The following ARHGAP18 variants were observed in gnomAD, a reference collection of about 807,000 sequenced individuals.
ARHGAP18 encodes the protein Rho GTPase activating protein 18.
Under a neutral mutation model 86.2 loss-of-function variants are expected in ARHGAP18, and 67 were observed. That is an observed-to-expected ratio of 0.78 (90% CI 0.64 to 0.95). ARHGAP18 has a LOEUF of 0.95. Ranked by LOEUF, ARHGAP18 falls within the 40% of genes least tolerant of loss-of-function variation. The pLI is 0.00. For synonymous variants in ARHGAP18, 283 were observed against 280.4 expected (o/e 1.01, Z -0.09); for missense variants, 691 against 780.4 (o/e 0.89, Z 1.37).
At chr6:129,599,416 A>T in intron 11 of ARHGAP18, 60 bp from the exon 12 acceptor site, 1 of 1,236,794 alleles carries the variant, frequency 8.1e-7, no homozygotes, top group Non-Finnish European at 1.1e-6. Flanking sequence ...TTTAAACTAC[A>T]AAAAAAAATT....
rs76267280 is a variant in ARHGAP18, at chr6:129,623,979, T to C, written c.787-5127A>G. On this transcript the variant is annotated intron_variant, in intron 5 of 14. Transcript: ENST00000368149. ...ATATGGAACAACAGAGGGGTAGAAA[T>C]GGAGAGGTCATTTTAAACTTTGGGC... Among the ~76,000 whole-genome samples, 1,048 of 152,260 alleles carry C rather than the reference T, an allele frequency of 6.9e-3. 18 individuals carry two copies. Among genetic ancestry groups the C allele is most frequent in the African/African-American group, 0.024 (1,006 of 41,554 alleles).
intron 1 of ARHGAP18, among the ~76,000 whole-genome samples, chr6:129,682,461 A>G (rs187706004): frequency 7.9e-5 from 12 of 152,130 alleles, no homozygotes; most frequent in African/African-American, 2.9e-4. Flanking sequence ...AAGAGGAATC[A>G]AAGCATAGCT....
chr6:129,630,496 C>T (rs974403844), intron 4 of ARHGAP18, among the ~76,000 whole-genome samples: 40 of 152,178 alleles, frequency 2.6e-4, no homozygotes, highest in African/African-American at 9.4e-4. Flanking sequence ...TTATAACAGG[C>T]TCACATACGA....
chr6:129,620,033 A>G (rs1789195666), intron 5 of ARHGAP18, among the ~76,000 whole-genome samples: 1 of 152,162 alleles, frequency 6.6e-6, no homozygotes. Flanking sequence ...AGTGCCCAGC[A>G]CTGCCCAAGT....
At position 129,578,326 on chromosome 6, in the gene ARHGAP18, T is replaced by A. The variant is rs1323021398; in HGVS notation, c.*187A>T. The A allele has an allele frequency of 3.8e-6, 1 of 265,442 alleles. No individual in the cohort carries two copies. 16.4% of individuals were successfully genotyped at this position (265,442 alleles called of 1,614,324 possible). A position where few individuals can be genotyped will look rare whatever the true frequency, so the allele number is the denominator to read the frequency against. On this transcript the variant is annotated 3_prime_UTR_variant, in exon 15 of 15. Transcript: ENST00000368149. ...AGAAATTTTTTTTCTAATAATAACA[T>A]TAATAATAATTAATATAATTCTGGC...
chr6:129,671,477 C>A (rs1235819054), intron 1 of ARHGAP18, among the ~76,000 whole-genome samples: 1 of 152,124 alleles, frequency 6.6e-6, no homozygotes, highest in African/African-American at 2.4e-5. Context: ...AGTGGGAAGA[C>A]TGCTTGAGCC....
At chr6:129,592,042 G>A (rs1190665397) in intron 12 of ARHGAP18, among the ~76,000 whole-genome samples, 1 of 151,918 alleles carries the variant, frequency 6.6e-6, no homozygotes, top group Non-Finnish European at 1.5e-5. Flanking sequence ...TTAAAGAAAG[G>A]CTTAAAATAA....
In ARHGAP18 at chr6:129,593,819, G is replaced by T. The variant is rs1478536921; in HGVS notation, c.1713+5397C>A. ...TAGTATTTAAGAACATCTACATTTG[G>T]ACCAAACACTCAGTATGCTGTAGTC... On this transcript the variant is annotated intron_variant, in intron 12 of 14. Coordinates refer to ENST00000368149, the MANE Select transcript of ARHGAP18 (RefSeq NM_033515.3). 2.6e-5 allele frequency among the ~76,000 whole-genome samples: 4 copies of T among 151,996 alleles called. No homozygotes were observed. In the East Asian group the frequency reaches 5.8e-4, roughly 22 times the overall value.
At chr6:129,703,306 T>C (rs1046694611) in intron 1 of ARHGAP18, among the ~76,000 whole-genome samples, 29 of 152,238 alleles carry the variant, frequency 1.9e-4, no homozygotes, top group African/African-American at 6.3e-4. Context: ...GCATCAATTG[T>C]TACGAGTCTT....
chr6:129,598,784 C>T (rs1480451322), intron 12 of ARHGAP18: 1 of 152,164 alleles, frequency 6.6e-6, no homozygotes. Context: ...CCTATTTGTC[C>T]ATCTGGATTA....
At chr6:129,618,232 G>A (rs1789137047) in intron 6 of ARHGAP18, among the ~76,000 whole-genome samples, 1 of 152,016 alleles carries the variant, frequency 6.6e-6, no homozygotes, top group Admixed American at 6.6e-5. Flanking sequence ...GGTAAAATTA[G>A]AATGTCCAGG....
intron 1 of ARHGAP18, among the ~76,000 whole-genome samples, chr6:129,652,998 A>G (rs1162802185): frequency 6.6e-6 from 1 of 152,214 alleles, no homozygotes; most frequent in Non-Finnish European, 1.5e-5. Context: ...ACACAAGGCA[A>G]TGGTGAATTT....
intron 1 of ARHGAP18, among the ~76,000 whole-genome samples, chr6:129,683,709 T>C (rs1774368269): frequency 6.6e-6 from 1 of 152,216 alleles, no homozygotes; most frequent in African/African-American, 2.4e-5. Flanking sequence ...CAATTTTCTC[T>C]GGGGCCAGCC....
intron 1 of ARHGAP18, among the ~76,000 whole-genome samples, chr6:129,651,059 G>A (rs771748345): frequency 1.3e-5 from 2 of 151,870 alleles, no homozygotes; most frequent in African/African-American, 2.4e-5. Context: ...CCCTGGCTTC[G>A]AGCAAACTGC....
chr6:129,593,366 T>C (rs1448425806), intron 12 of ARHGAP18, among the ~76,000 whole-genome samples: 1 of 152,038 alleles, frequency 6.6e-6, no homozygotes, highest in Non-Finnish European at 1.5e-5. Flanking sequence ...GAGGCTGAGG[T>C]GGGAGGATCC....
intron 5 of ARHGAP18, among the ~76,000 whole-genome samples, chr6:129,621,672 T>C (rs9375638): frequency 0.23 from 34,942 of 152,152 alleles, 4,436 homozygotes; most frequent in Non-Finnish European, 0.28. Context: ...GTATTACATA[T>C]TATATTTTTT....
intron 10 of ARHGAP18, among the ~76,000 whole-genome samples, chr6:129,604,078 A>G (rs1788803218): frequency 6.6e-6 from 1 of 152,160 alleles, no homozygotes; most frequent in Non-Finnish European, 1.5e-5. Context: ...TCTTGTTCAA[A>G]TGTTCTATTA....
chr6:129,636,808 G>T (rs9492352), intron 3 of ARHGAP18, among the ~76,000 whole-genome samples: 145,529 of 152,316 alleles, frequency 0.96, 69,647 homozygotes, highest in East Asian at 1. Flanking sequence ...ACCTGGGAGG[G>T]GGAGGTTGCA....
intron 1 of ARHGAP18, among the ~76,000 whole-genome samples, chr6:129,704,720 C>T (rs1774775864): frequency 6.6e-6 from 1 of 152,182 alleles, no homozygotes; most frequent in Non-Finnish European, 1.5e-5. Flanking sequence ...TTAAGCAGTA[C>T]CACTGCTTCT....
Sources: allele counts gnomAD v4.1 joint callset (sites outside exome capture counted in the v4.1 genomes callset), GRCh38; gene constraint gnomAD v4.1.1; transcripts MANE v1.5; gene names NCBI Gene and HGNC (gene_info 2026-07-23, HGNC 2026-07-21).